MYO3A: variants seen among roughly 807,000 people sequenced by gnomAD.
MYO3A encodes myosin IIIA.
MYO3A carries 180 observed loss-of-function variants against 192.7 expected under a neutral mutation model. The ratio of observed to expected loss-of-function variants is 0.93; its 90% confidence interval spans 0.83 to 1.06. MYO3A has a LOEUF of 1.06. MYO3A is among the 50% of genes least tolerant of loss of function. The probability of loss-of-function intolerance (pLI) is 0.00; values close to 1 mark genes in which losing one functional copy is unlikely to be tolerated. For missense variants in MYO3A, 1,896 were observed against 1,905.0 expected (o/e 1.00, Z 0.09); for synonymous variants, 628 against 645.3 (o/e 0.97, Z 0.41).
intron 4 of MYO3A, among the ~76,000 whole-genome samples, chr10:25,966,263 A>G (rs1478780055): frequency 6.6e-6 from 1 of 152,202 alleles, no homozygotes; most frequent in Non-Finnish European, 1.5e-5. Context: ...GTAAGTTTAC[A>G]GAACTGAAGT....
chr10:26,187,027 T>G (rs1842900509), intron 31 of MYO3A, among the ~76,000 whole-genome samples: 1 of 152,218 alleles, frequency 6.6e-6, no homozygotes. Flanking sequence ...GCATGAGAAA[T>G]TTATTTTTAT....
intron 2 of MYO3A, among the ~76,000 whole-genome samples, chr10:25,941,601 G>A (rs897877723): frequency 2.6e-5 from 4 of 151,984 alleles, no homozygotes; most frequent in African/African-American, 7.3e-5. Context: ...ATATTGCTGT[G>A]GTAAAACATA....
intron 28 of MYO3A, 129 bp from the exon 29 acceptor site, chr10:26,170,287 G>C (rs1217769404): frequency 9.9e-7 from 1 of 1,008,204 alleles, no homozygotes; most frequent in Non-Finnish European, 1.5e-6. Flanking sequence ...AAGTGAACCT[G>C]TTCTATTTGG....
At chr10:26,159,989 T>C (rs1404058286) in intron 26 of MYO3A, among the ~76,000 whole-genome samples, 3 of 151,992 alleles carry the variant, frequency 2.0e-5, no homozygotes, top group African/African-American at 7.3e-5. Flanking sequence ...TGAAAGCAGG[T>C]AAACCAAAAA....
intron 1 of MYO3A, among the ~76,000 whole-genome samples, chr10:25,935,024 G>T (rs1381778511): frequency 6.6e-6 from 1 of 152,060 alleles, no homozygotes; most frequent in Non-Finnish European, 1.5e-5. Flanking sequence ...GACCTGTGGC[G>T]CGCGCGGGCT....
chr10:26,134,211 G>A (rs1476175354), intron 20 of MYO3A, among the ~76,000 whole-genome samples: 2 of 152,092 alleles, frequency 1.3e-5, no homozygotes, highest in Admixed American at 6.6e-5. Flanking sequence ...TAAAATGGAT[G>A]TAAAATAAAA....
chr10:26,093,020 G>T (rs1836790224), intron 15 of MYO3A, among the ~76,000 whole-genome samples: 1 of 152,168 alleles, frequency 6.6e-6, no homozygotes, highest in South Asian at 2.1e-4. Flanking sequence ...GTAAACTGAT[G>T]AAGAGAAATC....
intron 18 of MYO3A, among the ~76,000 whole-genome samples, chr10:26,122,517 A>T (rs1308380374): frequency 6.6e-6 from 1 of 152,158 alleles, no homozygotes; most frequent in African/African-American, 2.4e-5. Flanking sequence ...ACTTCTCTTT[A>T]TCATCATTGT....
intron 4 of MYO3A, among the ~76,000 whole-genome samples, chr10:25,988,997 T>C (rs1839842195): frequency 6.8e-6 from 1 of 146,982 alleles, no homozygotes; most frequent in South Asian, 2.2e-4. Context: ...CTCTGTCGCC[T>C]AGGCTGGGGT....
intron 10 of MYO3A, among the ~76,000 whole-genome samples, chr10:26,060,267 A>G (rs374757592): frequency 3.5e-5 from 4 of 114,642 alleles, no homozygotes; most frequent in Admixed American, 1.6e-4. Flanking sequence ...CTCAATAAAT[A>G]AATAAATAAA....
intron 10 of MYO3A, among the ~76,000 whole-genome samples, chr10:26,066,252 C>A (rs889940057): frequency 3.1e-4 from 47 of 151,864 alleles, no homozygotes; most frequent in Non-Finnish European, 1.5e-5. Flanking sequence ...TTCTTAATAA[C>A]CCTCATAATC....
intron 26 of MYO3A, among the ~76,000 whole-genome samples, chr10:26,158,541 C>A (rs986915875): frequency 2.0e-5 from 3 of 152,086 alleles, no homozygotes; most frequent in Admixed American, 1.3e-4. Flanking sequence ...AGGCGTGAGC[C>A]ACTGCGCCCA....
intron 15 of MYO3A, among the ~76,000 whole-genome samples, chr10:26,089,063 A>G (rs1388725941): frequency 6.6e-6 from 1 of 152,236 alleles, no homozygotes; most frequent in Admixed American, 6.5e-5. Flanking sequence ...GCTTAAAAGC[A>G]TGGCAAGTTA....
At chr10:26,058,511 G>T (rs1190953195) in intron 10 of MYO3A, among the ~76,000 whole-genome samples, 3 of 152,148 alleles carry the variant, frequency 2.0e-5, no homozygotes, top group Non-Finnish European at 2.9e-5. Flanking sequence ...TAGCTGAATT[G>T]TATGGCAAGA....
At chr10:26,044,568 C>T (rs1843531950) in intron 10 of MYO3A, among the ~76,000 whole-genome samples, 1 of 152,126 alleles carries the variant, frequency 6.6e-6, no homozygotes, top group Non-Finnish European at 1.5e-5. Context: ...ATGGGTTGGC[C>T]TTGCGGGAGT....
At chr10:26,197,656 C>T (rs911747564) in intron 32 of MYO3A, among the ~76,000 whole-genome samples, 10 of 152,158 alleles carry the variant, frequency 6.6e-5, no homozygotes, top group African/African-American at 7.2e-5. Flanking sequence ...CTCCGCCTCC[C>T]GGGTTCAACC....
chr10:26,051,139 A>T (rs1843973182), intron 10 of MYO3A, among the ~76,000 whole-genome samples: 1 of 152,150 alleles, frequency 6.6e-6, no homozygotes, highest in Non-Finnish European at 1.5e-5. Context: ...ATATTTCTAG[A>T]GATATTCTAT....
intron 23 of MYO3A, among the ~76,000 whole-genome samples, chr10:26,148,675 C>T (rs1276783764): frequency 6.6e-6 from 1 of 152,224 alleles, no homozygotes; most frequent in Admixed American, 6.5e-5. Flanking sequence ...CTCTCAGCAA[C>T]ATTTTGTAGT....
At chr10:26,040,230 T>C (rs1018548607) in intron 10 of MYO3A, among the ~76,000 whole-genome samples, 1 of 152,000 alleles carries the variant, frequency 6.6e-6, no homozygotes, top group African/African-American at 2.4e-5. Flanking sequence ...CATAAACATG[T>C]TTTTTGAGAC....
Sources: gnomAD v4.1 joint callset for allele counts (sites outside exome capture counted in the v4.1 genomes callset) on GRCh38, gnomAD v4.1.1 for gene constraint, MANE v1.5 for transcripts, NCBI Gene and HGNC (gene_info 2026-07-23, HGNC 2026-07-21) for gene names.